FBXL20: variants seen among roughly 807,000 people sequenced by gnomAD.
FBXL20 encodes F-box and leucine rich repeat protein 20.
FBXL20 carries 11 observed loss-of-function variants against 64.0 expected under a neutral mutation model. The observed-to-expected ratio is 0.17, with a 90% CI of 0.11 to 0.28. The LOEUF (loss-of-function observed/expected upper bound fraction) is 0.28. Among genes scored for constraint, FBXL20 ranks in the 10% least tolerant of loss-of-function variants. FBXL20 has a pLI of 1.00. For synonymous variants in FBXL20, 184 were observed against 189.0 expected (o/e 0.97, Z 0.22); for missense variants, 303 against 526.2 (o/e 0.58, Z 4.15).
intron 1 of FBXL20, among the ~76,000 whole-genome samples, chr17:39,347,188 T>A (rs2047641951): frequency 6.6e-6 from 1 of 152,208 alleles, no homozygotes; most frequent in African/African-American, 2.4e-5. Flanking sequence ...TGATTTATAA[T>A]CCTTTGGGTA....
intron 1 of FBXL20, among the ~76,000 whole-genome samples, chr17:39,382,807 C>G (rs2048038019): frequency 6.6e-6 from 1 of 152,014 alleles, no homozygotes; most frequent in South Asian, 2.1e-4. Flanking sequence ...ACTCTGCACT[C>G]TAGCCTGGGT....
intron 2 of FBXL20, among the ~76,000 whole-genome samples, chr17:39,316,425 G>T (rs1202228636): frequency 6.6e-6 from 1 of 151,968 alleles, no homozygotes; most frequent in Non-Finnish European, 1.5e-5. Context: ...TTTCTTTCTA[G>T]TAGAAGGAAT....
chr17:39,331,873 A>G (rs980894712), intron 2 of FBXL20, among the ~76,000 whole-genome samples: 2 of 152,180 alleles, frequency 1.3e-5, no homozygotes, highest in African/African-American at 4.8e-5. Context: ...TGTATTTTAT[A>G]CTTTTATATT....
chr17:39,344,182 C>T (rs2047609876), intron 1 of FBXL20, among the ~76,000 whole-genome samples: 2 of 151,942 alleles, frequency 1.3e-5, no homozygotes, highest in African/African-American at 4.8e-5. Context: ...AACTCTGTCG[C>T]TACCAAAAAA....
rs75638405 is a variant in FBXL20, at chr17:39,311,944, C to G, written c.105-8305G>C. Among the ~76,000 whole-genome samples, 1,207 of 152,234 alleles carry G rather than the reference C, an allele frequency of 7.9e-3. 15 individuals are homozygous for G. Among genetic ancestry groups the G allele is most frequent in the African/African-American group, 0.028 (1,160 of 41,532 alleles). ...AGGTTGGTAGTCAGATGTGTGCAGA[C>G]TTAGGAGTACCATTAAACACACATC... On this transcript the variant is annotated intron_variant, in intron 2 of 14. Coordinates refer to ENST00000264658, the MANE Select transcript of FBXL20 (RefSeq NM_032875.3).
chr17:39,302,385 T>C (rs1301902485), intron 3 of FBXL20, among the ~76,000 whole-genome samples: 1 of 150,884 alleles, frequency 6.6e-6, no homozygotes, highest in Non-Finnish European at 1.5e-5. Context: ...TTTTTTTTTT[T>C]TTTTTTGAGA....
At chr17:39,399,975 C>T (rs1047981409) in intron 1 of FBXL20, among the ~76,000 whole-genome samples, 6 of 152,154 alleles carry the variant, frequency 3.9e-5, no homozygotes, top group African/African-American at 1.4e-4. Flanking sequence ...AACGTCTATT[C>T]AGCAATTTTA....
Position 39,260,579 on chromosome 17 carries a change from C to T in FBXL20, c.*881G>A, listed in dbSNP as rs2046736464. On this transcript the variant is annotated 3_prime_UTR_variant, in exon 15 of 15. Coordinates refer to ENST00000264658, the MANE Select transcript of FBXL20 (RefSeq NM_032875.3). ...GTTGGCAAAGATTCAGGCAGGGTCC[C>T]CTAATGGTAAAATTTAGAATTAAAA... is the stretch of plus-strand genomic sequence containing the variant. The T allele has an allele frequency of 6.6e-6, 1 of 152,132 alleles. No homozygotes were observed. The highest frequency in any genetic ancestry group is 2.4e-5 in the African/African-American group (1 of 41,354). The allele number at this position is 152,132 out of a possible 1,614,324, so 9.4% of individuals were successfully genotyped here.
chr17:39,282,667 TA>T, intron 8 of FBXL20, 61 bp downstream of exon 8: 1 of 1,610,884 alleles, frequency 6.2e-7, no homozygotes, highest in East Asian at 2.2e-5. Flanking sequence ...GGGCTGTCTA[TA>T]AAGAGCTCAT....
upstream of FBXL20, chr17:39,401,682 T>A (rs2048246976): frequency 3.3e-6 from 4 of 1,207,198 alleles, no homozygotes; most frequent in Non-Finnish European, 3.1e-6. Flanking sequence ...GCAACGCCGC[T>A]GCTCATTGGA....
At chr17:39,298,967 T>C in intron 5 of FBXL20, 23 bp downstream of exon 5, 1 of 1,578,766 alleles carries the variant, frequency 6.3e-7, no homozygotes, top group Non-Finnish European at 8.7e-7. Flanking sequence ...ATCAAGAAGA[T>C]TAATCAATAG....
At chr17:39,309,662 C>T (rs984861276) in intron 2 of FBXL20, among the ~76,000 whole-genome samples, 3 of 151,384 alleles carry the variant, frequency 2.0e-5, no homozygotes, top group Middle Eastern at 3.5e-3. Flanking sequence ...ATTAGCCAGG[C>T]GTGGTGGTGT....
chr17:39,296,569 A>C (rs2047087999), intron 6 of FBXL20, among the ~76,000 whole-genome samples: 2 of 151,316 alleles, frequency 1.3e-5, no homozygotes, highest in Non-Finnish European at 3.0e-5. Context: ...CAAAAAAAAA[A>C]AAAAAAAAAA....
intron 1 of FBXL20, among the ~76,000 whole-genome samples, chr17:39,375,954 C>G (rs899691967): frequency 1.3e-5 from 2 of 151,970 alleles, no homozygotes; most frequent in African/African-American, 4.8e-5. Context: ...CCCGTCTCTA[C>G]TAAAAATACA....
chr17:39,315,868 A>AGAGAGCGAGC, intron 2 of FBXL20, among the ~76,000 whole-genome samples: 1 of 144,596 alleles, frequency 6.9e-6, no homozygotes, highest in South Asian at 2.2e-4. Flanking sequence ...AGAGAGAGAG[A>AGAGAGCGAGC]GAGCAACTGT....
At chr17:39,336,213 T>C (rs140509827) in intron 2 of FBXL20, among the ~76,000 whole-genome samples, 17 of 152,256 alleles carry the variant, frequency 1.1e-4, no homozygotes, top group African/African-American at 3.6e-4. Context: ...GCACTGCAAA[T>C]ACATGGAAAT....
chr17:39,356,646 G>A (rs1209463994), intron 1 of FBXL20, among the ~76,000 whole-genome samples: 2 of 151,766 alleles, frequency 1.3e-5, no homozygotes, highest in African/African-American at 2.4e-5. Flanking sequence ...ATGAGCCCCT[G>A]CGCTCGGCCT....
chr17:39,342,646 G>C (rs1032696634), intron 2 of FBXL20, among the ~76,000 whole-genome samples: 17 of 152,208 alleles, frequency 1.1e-4, no homozygotes, highest in African/African-American at 3.9e-4. Context: ...GAACCCAGGA[G>C]GCAGAGCTTG....
chr17:39,256,317 T>C lies in FBXL20; in HGVS notation c.*5143A>G, dbSNP rs1286797332. 1.5e-5 allele frequency: 1 copy of C among 67,570 alleles called. No individual in the cohort carries two copies. The highest frequency in any genetic ancestry group is 0.01 in the Middle Eastern group (1 of 100). 4.2% of individuals were successfully genotyped at this position (67,570 alleles called of 1,614,324 possible). ...ACCTGGGTGACAGAGCGAGACTCCA[T>C]GTCAAAAAAAAAAAAAAAAAAAAGA... On this transcript the variant is annotated 3_prime_UTR_variant, in exon 15 of 15. Transcript: ENST00000264658.
Sources: gnomAD v4.1 joint callset for allele counts (sites outside exome capture counted in the v4.1 genomes callset) on GRCh38, gnomAD v4.1.1 for gene constraint, MANE v1.5 for transcripts, NCBI Gene and HGNC (gene_info 2026-07-23, HGNC 2026-07-21) for gene names.